LRFN5: variants seen among roughly 807,000 people sequenced by gnomAD.
The protein encoded by LRFN5 is leucine rich repeat and fibronectin type III domain containing 5.
A neutral mutation model predicts 45.6 loss-of-function variants in LRFN5; 24 were observed. The observed-to-expected ratio is 0.53, with a 90% CI of 0.38 to 0.74. The LOEUF (loss-of-function observed/expected upper bound fraction) is 0.74, where lower values mean the gene tolerates loss of function less well. Ranked by LOEUF, LRFN5 falls within the 30% of genes least tolerant of loss-of-function variation. The probability of loss-of-function intolerance (pLI) is 0.00; values close to 1 mark genes in which losing one functional copy is unlikely to be tolerated. For missense variants in LRFN5, 776 were observed against 861.5 expected (o/e 0.90, Z 1.24); for synonymous variants, 340 against 313.8 (o/e 1.08, Z -0.88).
intron 1 of LRFN5, among the ~76,000 whole-genome samples, chr14:41,692,535 A>T (rs1428774069): frequency 6.6e-6 from 1 of 152,076 alleles, no homozygotes; most frequent in Non-Finnish European, 1.5e-5. Flanking sequence ...CATTTACATT[A>T]GGTATATCTC....
chr14:41,757,940 C>T (rs1885483408), intron 1 of LRFN5, among the ~76,000 whole-genome samples: 1 of 152,120 alleles, frequency 6.6e-6, no homozygotes, highest in Non-Finnish European at 1.5e-5. Context: ...AGTGAGCTAT[C>T]AGAAATCAAT....
intron 2 of LRFN5, among the ~76,000 whole-genome samples, chr14:41,781,638 A>AGAGAAAGAAAGAAAG (rs1566437442): frequency 1.9e-4 from 29 of 150,132 alleles, no homozygotes; most frequent in South Asian, 1.0e-3. Context: ...AAGAAAGGAA[A>AGAGAAAGAAAGAAAG]GAAAGAAAGA....
At chr14:41,834,615 A>T (rs899460054) in intron 2 of LRFN5, among the ~76,000 whole-genome samples, 14 of 152,158 alleles carry the variant, frequency 9.2e-5, no homozygotes, top group African/African-American at 2.4e-4. Flanking sequence ...TAAATATTAT[A>T]AAGGGACTAA....
chr14:41,677,488 TA>T lies in LRFN5; in HGVS notation c.-197+68932del, dbSNP rs1044542173. Among the ~76,000 whole-genome samples the T allele has an allele frequency of 2.0e-4, 30 of 152,154 alleles. 1 individual carries two copies. Among genetic ancestry groups the T allele is most frequent in the Admixed American group, 7.9e-4 (12 of 15,280 alleles). On this transcript the variant is annotated intron_variant, in intron 1 of 5. Transcript: ENST00000298119. ...TAAAGAACTAAGAAAAAACACGCTTTAAAAAATTACAGGATGGTATAATGGA... is the reference window on the plus strand; with the variant it reads ...TAAAGAACTAAGAAAAAACACGCTTTAAAAATTACAGGATGGTATAATGGA...
At chr14:41,655,951 A>G (rs1344151095) in intron 1 of LRFN5, among the ~76,000 whole-genome samples, 2 of 152,042 alleles carry the variant, frequency 1.3e-5, no homozygotes, top group African/African-American at 4.8e-5. Flanking sequence ...AATATTTTTA[A>G]GTGCTTATTA....
chr14:41,835,931 T>C (rs1030207123), intron 2 of LRFN5, among the ~76,000 whole-genome samples: 5 of 144,556 alleles, frequency 3.5e-5, no homozygotes, highest in Non-Finnish European at 7.7e-5. Flanking sequence ...TTTCTTTTTT[T>C]TTAAAAAAAA....
intron 2 of LRFN5, among the ~76,000 whole-genome samples, chr14:41,882,081 C>T (rs1482446927): frequency 1.3e-5 from 2 of 152,008 alleles, no homozygotes; most frequent in African/African-American, 4.8e-5. Context: ...AGATCTGTGC[C>T]CTGTGGTGGT....
chr14:41,711,612 T>C (rs1047075747), intron 1 of LRFN5, among the ~76,000 whole-genome samples: 25 of 152,340 alleles, frequency 1.6e-4, no homozygotes, highest in Admixed American at 1.3e-3. Context: ...AAATTACTTT[T>C]AATGTAGTCC....
intron 4 of LRFN5, chr14:41,894,222 A>G: frequency 2.0e-6 from 2 of 985,078 alleles, no homozygotes; most frequent in Non-Finnish European, 2.4e-6. Flanking sequence ...TAGCAAGGTT[A>G]ACATATGTAC....
chr14:41,632,086 G>A lies in LRFN5; in HGVS notation c.-197+23524G>A, dbSNP rs186535346. 7.4e-4 allele frequency among the ~76,000 whole-genome samples: 113 copies of A among 152,130 alleles called. 2 individuals are homozygous for A. The South Asian group carries it at 0.015, about 20-fold the overall frequency. On this transcript the variant is annotated intron_variant, in intron 1 of 5. Coordinates refer to ENST00000298119, the MANE Select transcript of LRFN5 (RefSeq NM_152447.5). ...TGGTAAATTGAACCAGAGTTCTGGC[G>A]TAGGAAGTGACTAGATTCAGGGAAA...
At chr14:41,720,692 G>T (rs888753757) in intron 1 of LRFN5, among the ~76,000 whole-genome samples, 5 of 151,912 alleles carry the variant, frequency 3.3e-5, no homozygotes, top group Non-Finnish European at 7.4e-5. Flanking sequence ...TGTGTGGTTT[G>T]GGGAAACTAT....
At chr14:41,839,447 T>C (rs777806788) in intron 2 of LRFN5, among the ~76,000 whole-genome samples, 1 of 152,156 alleles carries the variant, frequency 6.6e-6, no homozygotes, top group African/African-American at 2.4e-5. Context: ...TAATGATGAC[T>C]GCATGATCAG....
chr14:41,694,703 C>A (rs1214185671), intron 1 of LRFN5, among the ~76,000 whole-genome samples: 4 of 151,874 alleles, frequency 2.6e-5, no homozygotes, highest in African/African-American at 9.7e-5. Flanking sequence ...CTTCATGTCT[C>A]TGTGTCACAT....
At chr14:41,744,404 C>T (rs958447081) in intron 1 of LRFN5, among the ~76,000 whole-genome samples, 1 of 151,836 alleles carries the variant, frequency 6.6e-6, no homozygotes, top group African/African-American at 2.4e-5. Context: ...ATAAATTTAA[C>T]CATTTCAATA....
At chr14:41,749,870 C>G (rs890001353) in intron 1 of LRFN5, among the ~76,000 whole-genome samples, 1 of 152,052 alleles carries the variant, frequency 6.6e-6, no homozygotes, top group Admixed American at 6.6e-5. Context: ...GTTGAAAGTT[C>G]ATTATCACTA....
intron 1 of LRFN5, among the ~76,000 whole-genome samples, chr14:41,672,244 G>C (rs938699698): frequency 1.3e-5 from 2 of 152,142 alleles, no homozygotes; most frequent in African/African-American, 4.8e-5. Context: ...TGATTTATTA[G>C]CTATTTTTAT....
At chr14:41,667,123 C>T (rs1952594363) in intron 1 of LRFN5, among the ~76,000 whole-genome samples, 1 of 152,180 alleles carries the variant, frequency 6.6e-6, no homozygotes, top group East Asian at 1.9e-4. Context: ...TAAAACAAGA[C>T]AAAGAATTAG....
At chr14:41,795,183 T>A (rs1353874751) in intron 2 of LRFN5, among the ~76,000 whole-genome samples, 1 of 152,062 alleles carries the variant, frequency 6.6e-6, no homozygotes, top group Non-Finnish European at 1.5e-5. Context: ...AAAATGCTCA[T>A]CATCGCTGGC....
At chr14:41,686,910 C>T (rs1451798905) in intron 1 of LRFN5, among the ~76,000 whole-genome samples, 2 of 152,116 alleles carry the variant, frequency 1.3e-5, no homozygotes, top group African/African-American at 4.8e-5. Flanking sequence ...GGATATTGGC[C>T]TGAAGTTTTC....
Sources: allele counts gnomAD v4.1 joint callset (sites outside exome capture counted in the v4.1 genomes callset), GRCh38; gene constraint gnomAD v4.1.1; transcripts MANE v1.5; gene names NCBI Gene and HGNC (gene_info 2026-07-23, HGNC 2026-07-21).